The following MAST2 variants were observed in gnomAD, a reference collection of about 807,000 sequenced individuals.
MAST2 encodes the protein microtubule-associated serine/threonine-protein kinase 2.
In MAST2, 70 loss-of-function variants were observed where a neutral mutation model predicts 147.4. That is an observed-to-expected ratio of 0.47 (90% CI 0.39 to 0.58). MAST2 has a LOEUF of 0.58. Among genes scored for constraint, MAST2 ranks in the 20% least tolerant of loss-of-function variants. The probability of loss-of-function intolerance (pLI) is 0.00; values close to 1 mark genes in which losing one functional copy is unlikely to be tolerated. For synonymous variants in MAST2, 869 were observed against 896.8 expected, an observed-to-expected ratio of 0.97 and a Z score of 0.55; for missense variants, 2,080 against 2,302.3, an observed-to-expected ratio of 0.90 and a Z score of 1.98.
chr1:45,995,513 TA>T (rs1199583003), intron 5 of MAST2, among the ~76,000 whole-genome samples: 2 of 152,206 alleles, frequency 1.3e-5, no homozygotes, highest in African/African-American at 4.8e-5. Flanking sequence ...TCAACTTACA[TA>T]CAAGGCACTC....
At chr1:46,030,824 G>A in intron 22 of MAST2, 63 bp downstream of exon 22, 1 of 1,497,018 alleles carries the variant, frequency 6.7e-7, no homozygotes, top group Non-Finnish European at 8.9e-7. Context: ...CACAGATCAT[G>A]GGAGAGATTC....
At position 46,002,442 on chromosome 1, in the gene MAST2, C is replaced by T. The variant is rs959769204; in HGVS notation, c.669-363C>T. 7.9e-5 allele frequency among the ~76,000 whole-genome samples: 12 copies of T among 152,358 alleles called. No individual in the cohort carries two copies. The East Asian group carries it at 1.3e-3, about 17-fold the overall frequency. ...TTCACAAATGGAAATAGCTGCATTT[C>T]AGTGGCAGTTCTATCTTGTAATGTT... On this transcript the variant is annotated intron_variant, in intron 6 of 28. Coordinates refer to ENST00000361297, the MANE Select transcript of MAST2 (RefSeq NM_015112.3).
intron 4 of MAST2, among the ~76,000 whole-genome samples, chr1:45,956,716 T>C (rs139851477): frequency 6.6e-6 from 1 of 152,352 alleles, no homozygotes; most frequent in East Asian, 1.9e-4. Flanking sequence ...ACTATAGCCA[T>C]GCTCTGGAGA....
chr1:46,029,918 A>T lies in MAST2; in HGVS notation c.2408A>T (p.Gln803Leu). 1 of 1,614,108 alleles carries T rather than the reference A, an allele frequency of 6.2e-7. No individual in the cohort carries two copies. Among genetic ancestry groups the T allele is most frequent in the South Asian group, 1.1e-5 (1 of 91,076 alleles). ...CGCCAGAAGGCTGAATTTATTCCTC[A>T]GTTGGAGTCAGAGGATGATACTAGC... ...LLRQKAEFIP[Q>L]LESEDDTSYF... Residue 803 changes from glutamine to leucine, a missense_variant, in exon 20 of 29, where the codon CAG becomes CTG. By Grantham distance (113) the Gln-to-Leu change is moderately radical (BLOSUM62 -2). Coordinates refer to ENST00000361297, the MANE Select transcript of MAST2 (RefSeq NM_015112.3).
chr1:46,032,201 G>A lies in MAST2; in HGVS notation c.3211G>A (p.Ala1071Thr), dbSNP rs771731264. 6.2e-7 allele frequency: 1 copy of A among 1,614,088 alleles called. No individual in the cohort carries two copies. The highest frequency in any genetic ancestry group is 1.1e-5 in the South Asian group (1 of 91,086). Residue 1071 changes from alanine (A) to threonine (T), a missense_variant, in exon 25 of 29, where the codon GCC (alanine) becomes ACC (threonine). Ala to Thr is a moderately conservative substitution (Grantham distance 58). Coordinates refer to ENST00000361297, the MANE Select transcript of MAST2 (RefSeq NM_015112.3). ...PSEHHTCSPL[A>T]SPMSPHSQSS... ...AGAACACCACACCTGCTCCCCGTTG[G>A]CCAGCCCCATGTCCCCACATTCTCA...
At position 45,899,894 on chromosome 1, in the gene MAST2, C is replaced by T. The variant is rs181266424; in HGVS notation, c.500+17499C>T. The stretch of plus-strand genomic sequence containing the variant: ...TAAGATTTCTTTTCCCGGCCCAGCG[C>T]GATGGCTTACACCTGTAATCCCAGC... On this transcript the variant is annotated intron_variant, in intron 4 of 28. Transcript: ENST00000361297. Among the ~76,000 whole-genome samples, 57 of 151,818 alleles carry T rather than the reference C, an allele frequency of 3.8e-4. No homozygotes were observed. The South Asian group carries it at 0.01, about 27-fold the overall frequency.
chr1:45,924,685 T>C (rs1319194498), intron 4 of MAST2, among the ~76,000 whole-genome samples: 1 of 152,184 alleles, frequency 6.6e-6, no homozygotes, highest in African/African-American at 2.4e-5. Flanking sequence ...CTAAAATTTG[T>C]ATAGGTTGAA....
chr1:45,928,420 T>C (rs1005936690), intron 4 of MAST2, among the ~76,000 whole-genome samples: 1 of 152,244 alleles, frequency 6.6e-6, no homozygotes, highest in Admixed American at 6.5e-5. Context: ...ACAGTGTATT[T>C]GGTTAATACA....
intron 10 of MAST2, 94 bp downstream of exon 10, chr1:46,011,033 G>A: frequency 9.2e-7 from 1 of 1,089,416 alleles, no homozygotes; most frequent in Non-Finnish European, 1.4e-6. Context: ...GGTATTCTCA[G>A]TCTTCACAGA....
chr1:46,035,321 A>G lies in MAST2; in HGVS notation c.4652A>G (p.Asp1551Gly), dbSNP rs1052610. 0.094 allele frequency: 151,711 copies of G among 1,613,360 alleles called. 8,239 individuals carry two copies. Among genetic ancestry groups the G allele is most frequent in the Middle Eastern group, 0.12 (736 of 6,058 alleles). The change falls in exon 29 of 29, where the codon GAC becomes GGC. Residue 1551 changes from aspartate (D) to glycine (G), a missense_variant. This residue lies in a region of MAST2 where 1,278 missense variants were observed against 1,304.2 expected (regional missense o/e 0.98). Coordinates refer to ENST00000361297, the MANE Select transcript of MAST2 (RefSeq NM_015112.3). This position sits in a 1 kb window ranked among gnomAD's most constrained non-coding sequence, Gnocchi z 5.5. ...SGEEDPFPSR[D>G]PRSLGPMVPS... ...GAAGAGGATCCTTTCCCGTCCAGAG[A>G]CCCTAGGAGCCTGGGCCCAATGGTC... is the stretch of plus-strand genomic sequence containing the variant.
chr1:45,992,712 G>A (rs528145627), intron 5 of MAST2, among the ~76,000 whole-genome samples: 155 of 152,158 alleles, frequency 1.0e-3, no homozygotes, highest in African/African-American at 3.7e-3. Flanking sequence ...CTTTAATGGA[G>A]TCTTTCTTTT....
Position 46,032,608 on chromosome 1 carries a change from G to A in MAST2, c.3427G>A (p.Gly1143Arg), listed in dbSNP as rs894218957. ...VHHMVWHVED[G>R]GPASEAGLRQ... ...CTTCCTGGCACAGCACGTGGAGGATGGAGGTCCGGCCAGTGAGGCAGGGCT... is the reference window on the plus strand; with the variant it reads ...CTTCCTGGCACAGCACGTGGAGGATAGAGGTCCGGCCAGTGAGGCAGGGCT... The change falls in exon 26 of 29, where the codon GGA (glycine) becomes AGA (arginine). Residue 1143 changes from glycine to arginine, a missense_variant. By Grantham distance (125) the Gly-to-Arg change is moderately radical. Coordinates refer to ENST00000361297, the MANE Select transcript of MAST2 (RefSeq NM_015112.3). The A allele has an allele frequency of 1.9e-6, 3 of 1,614,036 alleles. No homozygotes were observed. The highest frequency in any genetic ancestry group is 1.3e-5 in the African/African-American group (1 of 74,956).
At chr1:45,882,583 C>G (rs1343230365) in intron 4 of MAST2, among the ~76,000 whole-genome samples, 188 bp downstream of exon 4, 2 of 152,220 alleles carry the variant, frequency 1.3e-5, no homozygotes, top group African/African-American at 4.8e-5. Context: ...CCCCTCCTCC[C>G]CATTCCTCCC....
rs772852511 is a variant in MAST2 at position 46,022,938 on chromosome 1, TC to T, written c.1454del (p.Pro485LeufsTer56). On this transcript the variant is annotated frameshift_variant, in exon 13 of 29. Transcript: ENST00000361297. LOFTEE classifies it high-confidence loss of function. ...TGGCCCAGTTGAGCAGCTGTGACAG[TC>T]CTGACACTCCAGAGACAGATGATTC... ...EMAQLSSCDS[P>X]DTPETDDSIE... 30 of 1,614,072 alleles carry T rather than the reference TC, an allele frequency of 1.9e-5. No individual in the cohort carries two copies. The highest frequency in any genetic ancestry group is 2.5e-5 in the Non-Finnish European group (30 of 1,180,026).
At chr1:45,804,927 T>C (rs951678601) in intron 1 of MAST2, among the ~76,000 whole-genome samples, 4 of 152,252 alleles carry the variant, frequency 2.6e-5, no homozygotes, top group African/African-American at 9.6e-5. Flanking sequence ...TAATGAACTC[T>C]AGTGACAGCT....
chr1:45,959,536 C>A, intron 5 of MAST2, 59 bp downstream of exon 5: 1 of 1,382,780 alleles, frequency 7.2e-7, no homozygotes, highest in East Asian at 2.3e-5. Context: ...TGCCCAATTT[C>A]TTTCCTACTT....
intron 10 of MAST2, among the ~76,000 whole-genome samples, chr1:46,014,055 A>C (rs1039344870): frequency 2.6e-5 from 4 of 152,156 alleles, no homozygotes; most frequent in Admixed American, 6.6e-5. Context: ...ATGGGAAGAT[A>C]TTTAGGAAAA....
chr1:45,816,734 G>A (rs891495724), intron 1 of MAST2, among the ~76,000 whole-genome samples: 1 of 152,122 alleles, frequency 6.6e-6, no homozygotes, highest in African/African-American at 2.4e-5. Context: ...AGGCTGTAGT[G>A]CAGTGGCGTA....
intron 5 of MAST2, among the ~76,000 whole-genome samples, chr1:45,962,520 A>G (rs1390380771): frequency 6.6e-6 from 1 of 152,242 alleles, no homozygotes; most frequent in Non-Finnish European, 1.5e-5. Context: ...TCTGATGGCC[A>G]GTGATGATGA....
Sources: allele counts gnomAD v4.1 joint callset (sites outside exome capture counted in the v4.1 genomes callset), GRCh38; gene constraint gnomAD v4.1.1; regional missense constraint gnomAD v4.1.1; non-coding constraint Gnocchi (gnomAD v3.1); transcripts MANE v1.5; gene names NCBI Gene and HGNC (gene_info 2026-07-23, HGNC 2026-07-21).